The following EP300 variants were observed in gnomAD, a reference collection of about 807,000 sequenced individuals.
EP300 encodes the protein EP300 lysine acetyltransferase.
A neutral mutation model predicts 264.0 loss-of-function variants in EP300; 31 were observed. That is an observed-to-expected ratio of 0.12 (90% CI 0.09 to 0.16). The LOEUF (loss-of-function observed/expected upper bound fraction) is 0.16. EP300 is among the 10% of genes least tolerant of loss of function. The probability of loss-of-function intolerance (pLI) is 1.00; values close to 1 mark genes in which losing one functional copy is unlikely to be tolerated. For missense variants in EP300, 2,766 were observed against 3,052.9 expected, an observed-to-expected ratio of 0.91 and a Z score of 2.21; for synonymous variants, 1,340 against 1,045.4, an observed-to-expected ratio of 1.28 and a Z score of -5.44.
chr22:41,109,057 C>T (rs1224064928), intron 1 of EP300, among the ~76,000 whole-genome samples: 3 of 151,982 alleles, frequency 2.0e-5, no homozygotes, highest in Non-Finnish European at 2.9e-5. Context: ...GGAGGCTTGC[C>T]TGAGCCCAGG....
chr22:41,167,594 A>ATATG (rs1569115694), intron 23 of EP300, among the ~76,000 whole-genome samples: 1 of 11,712 alleles, frequency 8.5e-5, no homozygotes, highest in Non-Finnish European at 1.8e-4. Flanking sequence ...GTATATATAT[A>ATATG]TATATATATA....
At chr22:41,169,465 C>CA (rs1569116899) in intron 25 of EP300, 38 bp from the exon 26 acceptor site, 2 of 1,375,724 alleles carry the variant, frequency 1.5e-6, no homozygotes, top group Admixed American at 1.7e-5. Context: ...TGTGACCTGA[C>CA]TTTTTTTTTC....
intron 4 of EP300, among the ~76,000 whole-genome samples, chr22:41,128,438 A>C (rs1228055367): frequency 6.6e-6 from 1 of 152,044 alleles, no homozygotes; most frequent in African/African-American, 2.4e-5. Flanking sequence ...TCCAGCCTGG[A>C]CGATAGAACC....
intron 4 of EP300, 107 bp downstream of exon 4, chr22:41,127,855 A>G: frequency 7.2e-7 from 1 of 1,393,978 alleles, no homozygotes; most frequent in Non-Finnish European, 9.9e-7. Flanking sequence ...TTAATACCTT[A>G]ATTGTGGTGA....
intron 2 of EP300, 118 bp from the exon 3 acceptor site, chr22:41,125,746 A>G: frequency 3.6e-6 from 4 of 1,116,280 alleles, no homozygotes; most frequent in Non-Finnish European, 2.6e-6. Flanking sequence ...CTTTTCTAAT[A>G]GAAGCTGAGA....
Position 41,147,870 on chromosome 22 carries a change from A to T in EP300, c.2165A>T (p.Gln722Leu), listed in dbSNP as rs751846757. The stretch of plus-strand genomic sequence containing the variant: ...CAATTTGGCCAGATGAGCATGGCCC[A>T]GCCCCCTATTGTACCCCGGCAAACC... ...LNQFGQMSMA[Q>L]PPIVPRQTPP... The change falls in exon 12 of 31, where the codon CAG becomes CTG. Residue 722 changes from glutamine (Q) to leucine (L), a missense_variant. Physicochemically the swap from Gln to Leu is moderately radical, Grantham distance 113 (BLOSUM62 -2). Coordinates refer to ENST00000263253, the MANE Select transcript of EP300 (RefSeq NM_001429.4). 6.2e-7 allele frequency: 1 copy of T among 1,614,156 alleles called. No homozygotes were observed.
chr22:41,098,381 GT>G (rs1050773232), intron 1 of EP300, among the ~76,000 whole-genome samples: 1 of 151,862 alleles, frequency 6.6e-6, no homozygotes, highest in Non-Finnish European at 1.5e-5. Flanking sequence ...AGAAGTGATT[GT>G]TTTTTTTGAG....
At position 41,164,755 on chromosome 22, in the gene EP300, T is replaced by G. The variant is rs531746547; in HGVS notation, c.3806+625T>G. On this transcript the variant is annotated intron_variant, in intron 22 of 30. Coordinates refer to ENST00000263253, the MANE Select transcript of EP300 (RefSeq NM_001429.4). Reference sequence around the variant, plus strand: ...TGCTTTTGTTCCGGCATCTAGAAACTAGGATCATGCTGCTGGCATGAATAG... The same window carrying G: ...TGCTTTTGTTCCGGCATCTAGAAACGAGGATCATGCTGCTGGCATGAATAG... Among the ~76,000 whole-genome samples, 12 of 152,128 alleles carry G rather than the reference T, an allele frequency of 7.9e-5. No homozygotes were observed. The South Asian group carries it at 2.5e-3, about 32-fold the overall frequency.
chr22:41,146,658 G>T (rs940186634), intron 10 of EP300, 81 bp from the exon 11 acceptor site: 1 of 1,156,890 alleles, frequency 8.6e-7, no homozygotes, highest in Non-Finnish European at 1.3e-6. Flanking sequence ...AAAATATTTT[G>T]TGGGGTTTGT....
chr22:41,123,414 TG>T (rs1453840636), intron 2 of EP300, among the ~76,000 whole-genome samples: 1 of 152,104 alleles, frequency 6.6e-6, no homozygotes, highest in Non-Finnish European at 1.5e-5. Context: ...ATACGTACTG[TG>T]GGGTTGATTT....
chr22:41,123,233 A>G (rs1479283471), intron 2 of EP300, among the ~76,000 whole-genome samples: 2 of 152,168 alleles, frequency 1.3e-5, no homozygotes. Context: ...GTTGGCATTA[A>G]GGAGTCAAAT....
chr22:41,093,915 C>T (rs1569078038), intron 1 of EP300, among the ~76,000 whole-genome samples: 1 of 152,212 alleles, frequency 6.6e-6, no homozygotes, highest in Non-Finnish European at 1.5e-5. Flanking sequence ...GAACTACAAA[C>T]GTGAACTGAT....
At chr22:41,161,984 T>C (rs1413186945) in intron 20 of EP300, among the ~76,000 whole-genome samples, 1 of 152,210 alleles carries the variant, frequency 6.6e-6, no homozygotes, top group Non-Finnish European at 1.5e-5. Context: ...GTAAGCCTTG[T>C]CATTGAACTC....
At chr22:41,135,549 C>T (rs1435265218) in intron 6 of EP300, among the ~76,000 whole-genome samples, 1 of 151,400 alleles carries the variant, frequency 6.6e-6, no homozygotes, top group African/African-American at 2.4e-5. Flanking sequence ...TGAGCCTCTG[C>T]GCCTGGTCAC....
intron 6 of EP300, among the ~76,000 whole-genome samples, chr22:41,134,187 T>C (rs73885741): frequency 0.018 from 2,715 of 150,970 alleles, 81 homozygotes; most frequent in African/African-American, 0.064. Flanking sequence ...TTTTTCTGAT[T>C]TCATTCTTGA....
chr22:41,139,039 C>T (rs1475412705), intron 8 of EP300, among the ~76,000 whole-genome samples: 3 of 151,850 alleles, frequency 2.0e-5, no homozygotes, highest in African/African-American at 7.3e-5. Context: ...TGCAACCTCC[C>T]GTCTCCTGGG....
intron 2 of EP300, among the ~76,000 whole-genome samples, chr22:41,119,572 C>T (rs1285819394): frequency 3.3e-5 from 5 of 151,980 alleles, no homozygotes; most frequent in African/African-American, 1.2e-4. Flanking sequence ...AACCTACTTT[C>T]TACTGTGCAC....
At chr22:41,103,465 T>C (rs750289218) in intron 1 of EP300, among the ~76,000 whole-genome samples, 10 of 152,160 alleles carry the variant, frequency 6.6e-5, no homozygotes, top group Non-Finnish European at 1.3e-4. Context: ...CTTTAAAAGG[T>C]TTTTTAAATG....
intron 1 of EP300, among the ~76,000 whole-genome samples, chr22:41,104,312 C>CAGT (rs1241598208): frequency 6.6e-6 from 1 of 150,922 alleles, no homozygotes; most frequent in Non-Finnish European, 1.5e-5. Flanking sequence ...TTTTTTCATA[C>CAGT]AGAGTCTTGC....
Sources: allele counts gnomAD v4.1 joint callset (sites outside exome capture counted in the v4.1 genomes callset), GRCh38; gene constraint gnomAD v4.1.1; transcripts MANE v1.5; gene names NCBI Gene and HGNC (gene_info 2026-07-23, HGNC 2026-07-21).